The following LCOR variants were observed in gnomAD, a reference collection of about 807,000 sequenced individuals.
The protein encoded by LCOR is ligand dependent nuclear receptor corepressor, also known as ligand-dependent corepressor.
Under a neutral mutation model 64.4 loss-of-function variants are expected in LCOR, and 14 were observed. That is an observed-to-expected ratio of 0.22 (90% confidence interval 0.14 to 0.34). LCOR has a LOEUF of 0.34. Ranked by LOEUF, LCOR falls within the 10% of genes least tolerant of loss-of-function variation. LCOR has a pLI of 1.00. For missense variants in LCOR, 1,686 were observed against 1,765.3 expected (o/e 0.96, Z 0.80); for synonymous variants, 643 against 642.5 (o/e 1.00, Z -0.01).
intron 2 of LCOR, among the ~76,000 whole-genome samples, chr10:96,842,404 A>C (rs915201229): frequency 2.0e-5 from 3 of 152,038 alleles, no homozygotes; most frequent in East Asian, 3.9e-4. Flanking sequence ...AAATACATAC[A>C]TACATACATA....
intron 2 of LCOR, among the ~76,000 whole-genome samples, chr10:96,878,764 G>A (rs1221366083): frequency 6.6e-6 from 1 of 151,972 alleles, no homozygotes; most frequent in Non-Finnish European, 1.5e-5. Context: ...TTTTTGTATT[G>A]TGTTTTGTTT....
At chr10:96,971,733 C>CAGAG (rs1022030358) in intron 7 of LCOR, among the ~76,000 whole-genome samples, 2 of 152,004 alleles carry the variant, frequency 1.3e-5, no homozygotes, top group African/African-American at 4.8e-5. Flanking sequence ...AAACGAGGGG[C>CAGAG]AGAGATATAC....
intron 2 of LCOR, among the ~76,000 whole-genome samples, chr10:96,894,350 T>TATA (rs1309520586): frequency 5.3e-5 from 8 of 152,186 alleles, no homozygotes; most frequent in Admixed American, 6.5e-5. Flanking sequence ...GTGCTGGGAT[T>TATA]ATAGGCATGA....
intron 2 of LCOR, among the ~76,000 whole-genome samples, chr10:96,853,653 T>C (rs1215651609): frequency 3.3e-5 from 5 of 152,208 alleles, no homozygotes; most frequent in Admixed American, 2.6e-4. Context: ...TTGGGATAAC[T>C]GGGGCAACTA....
At chr10:96,871,177 C>T (rs2134405777) in intron 2 of LCOR, among the ~76,000 whole-genome samples, 1 of 151,640 alleles carries the variant, frequency 6.6e-6, no homozygotes, top group South Asian at 2.1e-4. Context: ...CTGCCTTAGC[C>T]TCTCAAGTAG....
At chr10:96,914,753 T>G (rs1846908877) in intron 4 of LCOR, among the ~76,000 whole-genome samples, 1 of 152,136 alleles carries the variant, frequency 6.6e-6, no homozygotes, top group Admixed American at 6.5e-5. Context: ...GGTTGACAAA[T>G]TTTCAAGAGC....
chr10:96,887,698 A>G (rs1589632769), intron 2 of LCOR, among the ~76,000 whole-genome samples: 1 of 145,046 alleles, frequency 6.9e-6, no homozygotes, highest in African/African-American at 2.6e-5. Flanking sequence ...TTTTTTTTTA[A>G]TTGAGACGGA....
At chr10:96,892,679 T>C (rs181215505) in intron 2 of LCOR, among the ~76,000 whole-genome samples, 4 of 152,240 alleles carry the variant, frequency 2.6e-5, no homozygotes, top group East Asian at 1.9e-4. Context: ...TTTCAACATA[T>C]GAATTTTTGG....
rs1848218347 is a variant in LCOR, at chr10:96,993,494, A to G, written c.*8360A>G. 1 of 152,178 alleles carries G rather than the reference A, an allele frequency of 6.6e-6. No homozygotes were observed. Among genetic ancestry groups the G allele is most frequent in the African/African-American group, 2.4e-5 (1 of 41,444 alleles). The allele number at this position is 152,178 out of a possible 1,614,324, so 9.4% of individuals were successfully genotyped here. On this transcript the variant is annotated 3_prime_UTR_variant, in exon 8 of 8. Coordinates refer to ENST00000421806, the MANE Select transcript of LCOR (RefSeq NM_001346516.2). ...TGCTCTCGTCTAAATGTTCACAAGA[A>G]GTAATGTTGTAAATAGTTTTCTAAA... is the stretch of plus-strand genomic sequence containing the variant.
chr10:96,899,864 T>A (rs972274257), intron 2 of LCOR, among the ~76,000 whole-genome samples: 2 of 152,130 alleles, frequency 1.3e-5, no homozygotes, highest in Non-Finnish European at 2.9e-5. Context: ...CAGATTTTCT[T>A]AAAACATTAC....
At chr10:96,951,362 T>G (rs1053447225) in intron 6 of LCOR, among the ~76,000 whole-genome samples, 39 of 152,186 alleles carry the variant, frequency 2.6e-4, no homozygotes, top group African/African-American at 9.2e-4. Context: ...TTCATTCTTC[T>G]TTCTTTAAAC....
intron 7 of LCOR, among the ~76,000 whole-genome samples, chr10:96,971,173 G>A (rs1016013037): frequency 4.6e-5 from 7 of 152,124 alleles, no homozygotes; most frequent in African/African-American, 1.7e-4. Context: ...CTGCCTGTGT[G>A]CTTAGTCAAA....
intron 7 of LCOR, among the ~76,000 whole-genome samples, chr10:96,967,892 G>A (rs1217889662): frequency 6.6e-6 from 1 of 152,086 alleles, no homozygotes; most frequent in African/African-American, 2.4e-5. Context: ...AGAGCACTAA[G>A]GGTCTTGGGA....
rs535182245 is a variant in LCOR, at chr10:96,928,657, G to A, written c.-183-15456G>A. The stretch of plus-strand genomic sequence containing the variant: ...ATTTTGTTCTTCTCTCTTGAATCAC[G>A]AATGTTCTTAATGGCATCTAGAATG... On this transcript the variant is annotated intron_variant, in intron 4 of 7. Coordinates refer to ENST00000421806, the MANE Select transcript of LCOR (RefSeq NM_001346516.2). 1.3e-3 allele frequency among the ~76,000 whole-genome samples: 200 copies of A among 152,160 alleles called. 5 individuals are homozygous for A. In the South Asian group the frequency reaches 0.039, roughly 30 times the overall value.
intron 2 of LCOR, among the ~76,000 whole-genome samples, chr10:96,840,771 C>T (rs1356284264): frequency 6.6e-6 from 1 of 152,190 alleles, no homozygotes. Context: ...TTGTGCCTTA[C>T]AATTGTATTA....
At chr10:96,843,900 A>G (rs1845582391) in intron 2 of LCOR, among the ~76,000 whole-genome samples, 1 of 152,176 alleles carries the variant, frequency 6.6e-6, no homozygotes, top group Non-Finnish European at 1.5e-5. Context: ...AATGTTTCTT[A>G]AAAGCTACCA....
chr10:96,843,578 T>C (rs1408498238), intron 2 of LCOR, among the ~76,000 whole-genome samples: 1 of 152,226 alleles, frequency 6.6e-6, no homozygotes, highest in Non-Finnish European at 1.5e-5. Flanking sequence ...TCCAGCCATA[T>C]CATTTAAAGG....
At chr10:96,956,020 A>G (rs1589681680) in intron 7 of LCOR, 3 of 1,500,320 alleles carry the variant, frequency 2.0e-6, no homozygotes, top group East Asian at 4.7e-5. Context: ...TTACTGTGAC[A>G]CTTGCTTCTT....
At position 96,988,616 on chromosome 10, in the gene LCOR, G is replaced by A. The variant is rs940034813; in HGVS notation, c.*3482G>A. 1.3e-5 allele frequency: 2 copies of A among 152,146 alleles called. No individual in the cohort carries two copies. The highest frequency in any genetic ancestry group is 6.5e-5 in the Admixed American group (1 of 15,278). 9.4% of individuals were successfully genotyped at this position (152,146 alleles called of 1,614,324 possible). On this transcript the variant is annotated 3_prime_UTR_variant, in exon 8 of 8. Transcript: ENST00000421806. ...TCTTTTCCTGCTTTGTAATGGGTTC[G>A]GTCATGAGGGTGGGAGCTGTCATTC...
Sources: gnomAD v4.1 joint callset for allele counts (sites outside exome capture counted in the v4.1 genomes callset) on GRCh38, gnomAD v4.1.1 for gene constraint, MANE v1.5 for transcripts, NCBI Gene and HGNC (gene_info 2026-07-23, HGNC 2026-07-21) for gene names.